Variants in MYO16 observed in about 807,000 individuals in gnomAD.
MYO16 encodes unconventional myosin-XVI.
A neutral mutation model predicts 205.3 loss-of-function variants in MYO16; 94 were observed. That is an observed-to-expected ratio of 0.46 (90% confidence interval 0.39 to 0.54). The LOEUF is 0.54. Ranked by LOEUF, MYO16 falls within the 20% of genes least tolerant of loss-of-function variation. The probability of loss-of-function intolerance (pLI) is 0.00; values close to 1 mark genes in which losing one functional copy is unlikely to be tolerated. For missense variants in MYO16, 2,315 were observed against 2,387.5 expected, an observed-to-expected ratio of 0.97 and a Z score of 0.63; for synonymous variants, 988 against 954.0, an observed-to-expected ratio of 1.04 and a Z score of -0.66.
At chr13:109,147,585 G>A (rs1877404914) in intron 32 of MYO16, among the ~76,000 whole-genome samples, 1 of 152,156 alleles carries the variant, frequency 6.6e-6, no homozygotes, top group African/African-American at 2.4e-5. Context: ...TCTTGCCTAT[G>A]TGCGGGTCTT....
chr13:108,793,645 G>C lies in MYO16; in HGVS notation c.741+5G>C. 1 of 1,611,358 alleles carries C rather than the reference G, an allele frequency of 6.2e-7. No homozygotes were observed. The highest frequency in any genetic ancestry group is 8.5e-7 in the Non-Finnish European group (1 of 1,178,448). On this transcript the variant is annotated splice_donor_5th_base_variant and intron_variant, in intron 6 of 34. Coordinates refer to ENST00000457511, the MANE Select transcript of MYO16 (RefSeq NM_001198950.3). Reference sequence around the variant, plus strand: ...AACGATGAAGGAGTAACCCTGGTAAGTTCATATATTTGACTCAGAAACTAT... The same window carrying C: ...AACGATGAAGGAGTAACCCTGGTAACTTCATATATTTGACTCAGAAACTAT...
At chr13:108,750,663 C>A (rs1885206315) in intron 4 of MYO16, among the ~76,000 whole-genome samples, 1 of 151,070 alleles carries the variant, frequency 6.6e-6, no homozygotes, top group South Asian at 2.1e-4. Context: ...GAAAATTAGC[C>A]AAGCGTGGTG....
chr13:109,004,564 AGTAGGGAT>A (rs1221046081), intron 21 of MYO16, among the ~76,000 whole-genome samples: 1 of 152,162 alleles, frequency 6.6e-6, no homozygotes, highest in Non-Finnish European at 1.5e-5. Context: ...CTGCTTGAAC[AGTAGGGAT>A]GCCATTGTGG....
intron 23 of MYO16, among the ~76,000 whole-genome samples, chr13:109,030,088 C>G (rs1234192747): frequency 1.3e-5 from 2 of 150,534 alleles, no homozygotes; most frequent in African/African-American, 4.9e-5. Context: ...AGATGGGACT[C>G]TTAACAACAT....
chr13:108,909,809 C>T (rs1881172449), intron 15 of MYO16, among the ~76,000 whole-genome samples, 194 bp from the exon 16 acceptor site: 1 of 152,034 alleles, frequency 6.6e-6, no homozygotes. Flanking sequence ...AGGATGTCCC[C>T]TTAAACCATG....
At chr13:108,749,110 G>A (rs1488940965) in intron 4 of MYO16, among the ~76,000 whole-genome samples, 2 of 151,462 alleles carry the variant, frequency 1.3e-5, no homozygotes, top group Admixed American at 1.3e-4. Context: ...ACTATGGAAT[G>A]GCTAAATCAA....
intron 16 of MYO16, 120 bp from the exon 17 acceptor site, chr13:108,957,568 G>T (rs370390616): frequency 1.7e-4 from 105 of 635,790 alleles, no homozygotes; most frequent in African/African-American, 1.5e-3. Context: ...AAACACGTGG[G>T]GACACCATGT....
At position 109,019,766 on chromosome 13, in the gene MYO16, T is replaced by C; in HGVS notation, c.2651T>C (p.Val884Ala). 1.2e-6 allele frequency: 2 copies of C among 1,614,086 alleles called. No homozygotes were observed. The highest frequency in any genetic ancestry group is 1.7e-6 in the Non-Finnish European group (2 of 1,179,986). The change falls in exon 23 of 35, where the codon GTG becomes GCG. Residue 884 changes from valine (V) to alanine (A), a missense_variant. Physicochemically the swap from Val to Ala is moderately conservative, Grantham distance 64. This residue lies in a region of MYO16 where 1,213 missense variants were observed against 1,274.4 expected (regional missense o/e 0.95). Coordinates refer to ENST00000457511, the MANE Select transcript of MYO16 (RefSeq NM_001198950.3). ...GAAGAAAGTCAAATGATTTGGTCAG[T>C]GGAATCAAATTTTCCAAAAAAACTA... ...LDEESQMIWSVESNFPKKLQS... is the reference protein window; with the variant it reads ...LDEESQMIWSAESNFPKKLQS...
At chr13:108,862,937 A>G (rs1878517242) in intron 11 of MYO16, among the ~76,000 whole-genome samples, 1 of 152,100 alleles carries the variant, frequency 6.6e-6, no homozygotes, top group Admixed American at 6.6e-5. Flanking sequence ...GGCGTTCTTC[A>G]TATTTTGAGG....
At chr13:108,716,724 G>A (rs537670381) in intron 3 of MYO16, among the ~76,000 whole-genome samples, 5 of 152,258 alleles carry the variant, frequency 3.3e-5, no homozygotes, top group South Asian at 4.1e-4. Flanking sequence ...GACGATCAGC[G>A]ACTTTGAGGG....
intron 4 of MYO16, among the ~76,000 whole-genome samples, chr13:108,762,612 C>A (rs916447195): frequency 6.6e-6 from 1 of 152,072 alleles, no homozygotes; most frequent in African/African-American, 2.4e-5. Context: ...CTGAAAATAT[C>A]TCGAAGGTGG....
At chr13:108,652,141 ATGTG>A (rs201166204) in intron 1 of MYO16, among the ~76,000 whole-genome samples, 6 of 148,526 alleles carry the variant, frequency 4.0e-5, no homozygotes, top group African/African-American at 1.5e-4. Flanking sequence ...ACAGATACCA[ATGTG>A]TGTGTGTGTG....
At chr13:109,119,947 T>C (rs1427383038) in intron 28 of MYO16, among the ~76,000 whole-genome samples, 2 of 152,248 alleles carry the variant, frequency 1.3e-5, no homozygotes, top group Non-Finnish European at 2.9e-5. Context: ...GCATCAGCTT[T>C]ATGTTTCGTT....
chr13:109,028,998 T>C (rs531895772), intron 23 of MYO16, among the ~76,000 whole-genome samples: 1 of 152,108 alleles, frequency 6.6e-6, no homozygotes, highest in South Asian at 2.1e-4. Flanking sequence ...TTTATGCTGT[T>C]ATGCAGGTCC....
At chr13:109,173,960 TC>T (rs1302947147) in intron 33 of MYO16, among the ~76,000 whole-genome samples, 1 of 134,168 alleles carries the variant, frequency 7.5e-6, no homozygotes, top group Non-Finnish European at 1.6e-5. Flanking sequence ...GGGGGGGTAC[TC>T]TCTGCTGTTT....
chr13:108,770,956 G>A (rs545746505), intron 4 of MYO16, among the ~76,000 whole-genome samples: 30 of 152,314 alleles, frequency 2.0e-4, no homozygotes, highest in African/African-American at 6.5e-4. Context: ...AGGTTGGAAA[G>A]AGTTGGGTCC....
intron 4 of MYO16, among the ~76,000 whole-genome samples, chr13:108,783,390 A>C (rs1886364955): frequency 6.6e-6 from 1 of 152,188 alleles, no homozygotes; most frequent in Non-Finnish European, 1.5e-5. Context: ...CTGTACCAGC[A>C]TTATATCTAA....
chr13:109,159,356 G>A, intron 32 of MYO16, among the ~76,000 whole-genome samples: 2 of 152,286 alleles, frequency 1.3e-5, no homozygotes, highest in South Asian at 4.2e-4. Context: ...GTGGTGCGTG[G>A]CTTTACTGTA....
chr13:108,732,335 T>G (rs1453527124), intron 4 of MYO16, among the ~76,000 whole-genome samples: 1 of 152,168 alleles, frequency 6.6e-6, no homozygotes, highest in African/African-American at 2.4e-5. Flanking sequence ...GAAAAGCAGA[T>G]AAAACACACA....
Sources: allele counts gnomAD v4.1 joint callset (sites outside exome capture counted in the v4.1 genomes callset), GRCh38; gene constraint gnomAD v4.1.1; regional missense constraint gnomAD v4.1.1; transcripts MANE v1.5; gene names NCBI Gene and HGNC (gene_info 2026-07-23, HGNC 2026-07-21).